PROS1: variants seen among roughly 807,000 people sequenced by gnomAD.
The protein encoded by PROS1 is protein S.
A neutral mutation model predicts 75.9 loss-of-function variants in PROS1; 29 were observed. The ratio of observed to expected loss-of-function variants is 0.38; its 90% CI spans 0.28 to 0.52. The LOEUF (loss-of-function observed/expected upper bound fraction) is 0.52. Among genes scored for constraint, PROS1 ranks in the 20% least tolerant of loss-of-function variants. PROS1 has a pLI of 0.83. For synonymous variants in PROS1, 245 were observed against 280.6 expected (o/e 0.87, Z 1.27); for missense variants, 680 against 810.3 (o/e 0.84, Z 1.95).
chr3:93,959,000 G>A (rs1709656745), intron 1 of PROS1, among the ~76,000 whole-genome samples: 1 of 152,154 alleles, frequency 6.6e-6, no homozygotes, highest in African/African-American at 2.4e-5. Context: ...TCAGGGTTCA[G>A]TTGTTTATAT....
intron 1 of PROS1, among the ~76,000 whole-genome samples, chr3:93,939,072 C>A (rs1041501439): frequency 3.9e-5 from 6 of 152,124 alleles, no homozygotes; most frequent in Non-Finnish European, 7.3e-5. Flanking sequence ...AACTTAAAAT[C>A]TCTTCAACTC....
At chr3:93,921,853 T>TA (rs757389766) in intron 3 of PROS1, among the ~76,000 whole-genome samples, 6 of 152,248 alleles carry the variant, frequency 3.9e-5, no homozygotes, top group Non-Finnish European at 8.8e-5. Context: ...TGTGCTTTTG[T>TA]TAATGCTCAC....
intron 4 of PROS1, among the ~76,000 whole-genome samples, chr3:93,910,086 T>C (rs1708737493): frequency 6.6e-6 from 1 of 152,200 alleles, no homozygotes; most frequent in African/African-American, 2.4e-5. Context: ...TCACAATTTA[T>C]ATCCTGTGAT....
chr3:93,964,541 C>T (rs902360698), intron 1 of PROS1, among the ~76,000 whole-genome samples: 17 of 152,144 alleles, frequency 1.1e-4, no homozygotes, highest in African/African-American at 3.6e-4. Context: ...GACTGGTTCT[C>T]TGCTCTCGAA....
intron 14 of PROS1, among the ~76,000 whole-genome samples, chr3:93,875,624 C>CTCTATCTA (rs56899294): frequency 3.5e-4 from 52 of 148,230 alleles, no homozygotes; most frequent in Middle Eastern, 3.4e-3. Context: ...CACTACTTAC[C>CTCTATCTA]TCTATCTATC....
intron 12 of PROS1, among the ~76,000 whole-genome samples, chr3:93,880,738 T>G (rs1481357930): frequency 6.6e-6 from 1 of 152,126 alleles, no homozygotes; most frequent in African/African-American, 2.4e-5. Context: ...TGTATAGAAG[T>G]TAAAATGTAA....
At chr3:93,913,702 T>A (rs1329390759) in intron 3 of PROS1, among the ~76,000 whole-genome samples, 2 of 152,206 alleles carry the variant, frequency 1.3e-5, no homozygotes, top group African/African-American at 2.4e-5. Flanking sequence ...CTTGGGTATG[T>A]CTTTATAATA....
At chr3:93,930,899 A>C (rs1709096224) in intron 1 of PROS1, among the ~76,000 whole-genome samples, 1 of 152,230 alleles carries the variant, frequency 6.6e-6, no homozygotes, top group Non-Finnish European at 1.5e-5. Flanking sequence ...CTTTTCAAAA[A>C]TCAGGAAGTT....
chr3:93,939,400 C>T (rs981936669), intron 1 of PROS1, among the ~76,000 whole-genome samples: 1 of 152,112 alleles, frequency 6.6e-6, no homozygotes, highest in Non-Finnish European at 1.5e-5. Context: ...TTTCTACCAA[C>T]CAATCTGATC....
chr3:93,968,931 A>G (rs1414287792), intron 1 of PROS1, among the ~76,000 whole-genome samples: 1 of 152,136 alleles, frequency 6.6e-6, no homozygotes, highest in Non-Finnish European at 1.5e-5. Context: ...CTTCCTGAAT[A>G]TGCTATGGTT....
In PROS1 at chr3:93,932,486, G is replaced by A. The variant is rs546480526; in HGVS notation, c.77-5079C>T. Reference sequence around the variant, plus strand: ...GTTACATTCAGATTCAAAATTTTAGGTTATAATGTGGAGTTTATGAGTCTT... The same window carrying A: ...GTTACATTCAGATTCAAAATTTTAGATTATAATGTGGAGTTTATGAGTCTT... On this transcript the variant is annotated intron_variant, in intron 1 of 14. Transcript: ENST00000394236. Among the ~76,000 whole-genome samples, 15 of 152,210 alleles carry A rather than the reference G, an allele frequency of 9.9e-5. No homozygotes were observed. The South Asian group carries it at 2.7e-3, about 27-fold the overall frequency.
intron 7 of PROS1, 33 bp from the exon 8 acceptor site, chr3:93,898,602 T>C (rs766743859): frequency 1.9e-6 from 3 of 1,608,354 alleles, no homozygotes; most frequent in African/African-American, 2.7e-5. Flanking sequence ...ACACAAACTT[T>C]AATATCCCCT....
intron 1 of PROS1, among the ~76,000 whole-genome samples, chr3:93,968,271 A>C (rs980383047): frequency 6.6e-5 from 10 of 152,146 alleles, no homozygotes; most frequent in Admixed American, 6.6e-4. Context: ...GTGTCCTTAT[A>C]AAAAGGGGAA....
At chr3:93,932,124 C>T (rs1192004479) in intron 1 of PROS1, among the ~76,000 whole-genome samples, 2 of 152,236 alleles carry the variant, frequency 1.3e-5, no homozygotes, top group Non-Finnish European at 2.9e-5. Context: ...AAAATATTCA[C>T]CCTGCTGACA....
At chr3:93,909,587 A>G (rs999682969) in intron 4 of PROS1, among the ~76,000 whole-genome samples, 1 of 152,072 alleles carries the variant, frequency 6.6e-6, no homozygotes, top group Non-Finnish European at 1.5e-5. Context: ...AGACACTGCA[A>G]TAGTCCCTTG....
intron 3 of PROS1, chr3:93,910,975 A>G: frequency 2.4e-6 from 1 of 416,978 alleles, no homozygotes. Context: ...AAGTGAAAAA[A>G]ACCTTGATTT....
intron 1 of PROS1, among the ~76,000 whole-genome samples, chr3:93,948,624 G>T (rs1162387227): frequency 6.6e-6 from 1 of 152,068 alleles, no homozygotes; most frequent in Non-Finnish European, 1.5e-5. Context: ...ATTTTATGTT[G>T]TTTATAAAGA....
At chr3:93,899,939 C>T (rs1425777082) in intron 7 of PROS1, among the ~76,000 whole-genome samples, 1 of 152,142 alleles carries the variant, frequency 6.6e-6, no homozygotes, top group Non-Finnish European at 1.5e-5. Flanking sequence ...TACATTAAAA[C>T]TGTACTTGTA....
chr3:93,879,369 A>T, intron 12 of PROS1, 55 bp from the exon 13 acceptor site: 1 of 1,570,074 alleles, frequency 6.4e-7, no homozygotes, highest in South Asian at 1.1e-5. Flanking sequence ...AGTGCATCAG[A>T]AGGAATTATT....
Sources: gnomAD v4.1 joint callset for allele counts (sites outside exome capture counted in the v4.1 genomes callset) on GRCh38, gnomAD v4.1.1 for gene constraint, MANE v1.5 for transcripts, NCBI Gene and HGNC (gene_info 2026-07-23, HGNC 2026-07-21) for gene names.